NRXN3: variants seen among roughly 807,000 people sequenced by gnomAD.
NRXN3 encodes the protein neurexin 3, also known as neurexin III.
A neutral mutation model predicts 137.6 loss-of-function variants in NRXN3; 32 were observed. The ratio of observed to expected loss-of-function variants is 0.23; its 90% CI spans 0.18 to 0.31. The LOEUF (loss-of-function observed/expected upper bound fraction) is 0.31, where lower values mean the gene tolerates loss of function less well. Among genes scored for constraint, NRXN3 ranks in the 10% least tolerant of loss-of-function variants. The pLI is 1.00. For missense variants in NRXN3, 1,574 were observed against 2,062.5 expected, an observed-to-expected ratio of 0.76 and a Z score of 4.59; for synonymous variants, 798 against 784.5, an observed-to-expected ratio of 1.02 and a Z score of -0.29.
chr14:78,350,413 G>A lies in NRXN3; in HGVS notation c.757+52553G>A, dbSNP rs144991747. On this transcript the variant is annotated intron_variant, in intron 4 of 20. Coordinates refer to ENST00000335750, the MANE Select transcript of NRXN3 (RefSeq NM_001330195.2). ...TGCTGAAGGACAAATAGTAAGGGGA[G>A]GGGGAAAGGGCACCCCAACAAAAGC... Among the ~76,000 whole-genome samples the A allele has an allele frequency of 6.6e-3, 1,005 of 152,206 alleles. 11 individuals are homozygous for A. Among genetic ancestry groups the A allele is most frequent in the African/African-American group, 0.022 (925 of 41,514 alleles).
intron 7 of NRXN3, among the ~76,000 whole-genome samples, chr14:78,714,344 A>T (rs1392462675): frequency 6.6e-6 from 1 of 152,210 alleles, no homozygotes; most frequent in African/African-American, 2.4e-5. Flanking sequence ...AGGTGGGGAC[A>T]GTTATTTTCC....
In NRXN3 at chr14:79,206,701, T is replaced by C. The variant is rs150474753; in HGVS notation, c.3262+218560T>C. Among the ~76,000 whole-genome samples the C allele has an allele frequency of 3.5e-4, 54 of 152,348 alleles. No homozygotes were observed. The East Asian group carries it at 7.1e-3, about 20-fold the overall frequency. On this transcript the variant is annotated intron_variant, in intron 15 of 20. Transcript: ENST00000335750. ...TTTCTGAACTGTGACTATCTTTAGC[T>C]AGTAAGGAGTGTTTGGTGTCTCTTT...
chr14:79,598,463 A>G (rs1396711533), intron 16 of NRXN3, among the ~76,000 whole-genome samples: 1 of 152,140 alleles, frequency 6.6e-6, no homozygotes, highest in Non-Finnish European at 1.5e-5. Flanking sequence ...ATTTTCTCGT[A>G]TTTTATGCAA....
intron 15 of NRXN3, among the ~76,000 whole-genome samples, chr14:79,150,394 CAT>C (rs2059690920): frequency 6.6e-6 from 1 of 151,956 alleles, no homozygotes; most frequent in African/African-American, 2.4e-5. Context: ...AAAAGTATGT[CAT>C]ATGTGTGTGG....
chr14:78,717,060 T>C (rs1168596603), intron 8 of NRXN3, among the ~76,000 whole-genome samples: 1 of 152,126 alleles, frequency 6.6e-6, no homozygotes, highest in Non-Finnish European at 1.5e-5. Flanking sequence ...ACAGTTTTGG[T>C]GTTTGCCAAA....
chr14:78,644,857 C>A (rs1278004799), intron 4 of NRXN3, among the ~76,000 whole-genome samples: 1 of 152,148 alleles, frequency 6.6e-6, no homozygotes, highest in African/African-American at 2.4e-5. Flanking sequence ...TGAGAAAATT[C>A]GAAGGAAAGG....
At chr14:78,312,610 T>A (rs542698819) in intron 4 of NRXN3, among the ~76,000 whole-genome samples, 32 of 152,180 alleles carry the variant, frequency 2.1e-4, no homozygotes, top group African/African-American at 7.5e-4. Context: ...TGAGAGTGTA[T>A]TTATCTTTAA....
At chr14:78,565,756 C>G (rs1053621961) in intron 4 of NRXN3, among the ~76,000 whole-genome samples, 1 of 152,150 alleles carries the variant, frequency 6.6e-6, no homozygotes, top group African/African-American at 2.4e-5. Flanking sequence ...TAGCCCTGCA[C>G]TATGTGTAGA....
At chr14:78,487,846 T>A (rs1248959755) in intron 4 of NRXN3, among the ~76,000 whole-genome samples, 2 of 152,084 alleles carry the variant, frequency 1.3e-5, no homozygotes, top group Non-Finnish European at 2.9e-5. Flanking sequence ...TGGAATATAT[T>A]TTTTTTCAAA....
chr14:79,649,956 G>A (rs1370274343), intron 16 of NRXN3, among the ~76,000 whole-genome samples: 3 of 152,158 alleles, frequency 2.0e-5, no homozygotes, highest in Admixed American at 1.3e-4. Flanking sequence ...TCTGCTGAGG[G>A]TCCATTTCCC....
At chr14:79,741,610 G>A (rs982511364) in intron 19 of NRXN3, among the ~76,000 whole-genome samples, 3 of 151,948 alleles carry the variant, frequency 2.0e-5, no homozygotes, top group African/African-American at 4.8e-5. Flanking sequence ...TCAGCTTCCC[G>A]AGTAGCTGGG....
chr14:78,653,082 G>A (rs1044571956), intron 6 of NRXN3, among the ~76,000 whole-genome samples: 1 of 152,170 alleles, frequency 6.6e-6, no homozygotes, highest in African/African-American at 2.4e-5. Flanking sequence ...TAATAAAGGA[G>A]AGAAAATCCA....
chr14:79,011,339 T>C (rs763506411), intron 15 of NRXN3, among the ~76,000 whole-genome samples: 1 of 149,734 alleles, frequency 6.7e-6, no homozygotes, highest in Non-Finnish European at 1.5e-5. Context: ...GTCTCACAGG[T>C]TCCTTTTAAT....
intron 6 of NRXN3, among the ~76,000 whole-genome samples, chr14:78,658,761 TC>T (rs1350660802): frequency 6.6e-6 from 1 of 152,212 alleles, no homozygotes; most frequent in Non-Finnish European, 1.5e-5. Flanking sequence ...TTGCTGTACA[TC>T]TTTATTCCAT....
chr14:79,857,119 G>A (rs1349078104), intron 20 of NRXN3, among the ~76,000 whole-genome samples: 3 of 152,204 alleles, frequency 2.0e-5, no homozygotes, highest in Non-Finnish European at 4.4e-5. Context: ...TCTCTGGGAA[G>A]TGAAGAAAAT....
At chr14:78,548,932 T>G (rs929264912) in intron 4 of NRXN3, among the ~76,000 whole-genome samples, 6 of 152,144 alleles carry the variant, frequency 3.9e-5, no homozygotes, top group Non-Finnish European at 8.8e-5. Flanking sequence ...GAAGGACCTG[T>G]TCTCTTCTCC....
intron 4 of NRXN3, among the ~76,000 whole-genome samples, chr14:78,485,994 C>T (rs1185628333): frequency 6.6e-6 from 1 of 152,098 alleles, no homozygotes; most frequent in African/African-American, 2.4e-5. Flanking sequence ...ACTATATTTG[C>T]AGAGTGATTT....
intron 19 of NRXN3, among the ~76,000 whole-genome samples, chr14:79,781,042 ATT>A (rs35081734): frequency 0.12 from 15,813 of 131,052 alleles, 939 homozygotes; most frequent in Middle Eastern, 0.25. Flanking sequence ...TCATAAGGTA[ATT>A]TTTTTTTTTA....
At chr14:79,370,003 C>T (rs765131500) in intron 15 of NRXN3, among the ~76,000 whole-genome samples, 4 of 152,164 alleles carry the variant, frequency 2.6e-5, no homozygotes, top group Non-Finnish European at 4.4e-5. Flanking sequence ...GTTTCTTGGG[C>T]GCATTGACCT....
Sources: allele counts gnomAD v4.1 joint callset (sites outside exome capture counted in the v4.1 genomes callset), GRCh38; gene constraint gnomAD v4.1.1; transcripts MANE v1.5; gene names NCBI Gene and HGNC (gene_info 2026-07-23, HGNC 2026-07-21).